Variants in GPATCH2 observed in about 807,000 individuals in gnomAD.
GPATCH2 encodes the protein G-patch domain containing 2, also known as G patch domain-containing protein 2.
Under a neutral mutation model 58.0 loss-of-function variants are expected in GPATCH2, and 51 were observed. The ratio of observed to expected loss-of-function variants is 0.88; its 90% CI spans 0.70 to 1.11. The LOEUF (loss-of-function observed/expected upper bound fraction) is 1.11, where lower values mean the gene tolerates loss of function less well. GPATCH2 is among the 50% of genes most tolerant of loss of function. GPATCH2 has a pLI of 0.00. For synonymous variants in GPATCH2, 222 were observed against 218.5 expected (o/e 1.02, Z -0.14); for missense variants, 625 against 652.2 (o/e 0.96, Z 0.45).
At chr1:217,607,134 T>C (rs575474185) in intron 5 of GPATCH2, among the ~76,000 whole-genome samples, 1 of 152,296 alleles carries the variant, frequency 6.6e-6, no homozygotes, top group South Asian at 2.1e-4. Flanking sequence ...GATTCCATAT[T>C]TTTAAGTCGG....
intron 6 of GPATCH2, among the ~76,000 whole-genome samples, chr1:217,511,091 C>T (rs925051894): frequency 6.6e-5 from 10 of 151,514 alleles, no homozygotes; most frequent in East Asian, 1.9e-4. Context: ...AGTGAGAATC[C>T]GTGTCAAAAG....
At chr1:217,562,120 T>C (rs138078419) in intron 5 of GPATCH2, among the ~76,000 whole-genome samples, 42 of 152,216 alleles carry the variant, frequency 2.8e-4, no homozygotes, top group African/African-American at 8.7e-4. Context: ...TTCCAAATGA[T>C]CTGAAAAGTA....
chr1:217,471,553 A>G (rs1184515227), intron 8 of GPATCH2, among the ~76,000 whole-genome samples: 1 of 152,180 alleles, frequency 6.6e-6, no homozygotes, highest in African/African-American at 2.4e-5. Flanking sequence ...CTGTAACTCT[A>G]TCTGTTACAT....
At position 217,428,084 on chromosome 1, in the gene GPATCH2, G is replaced by A. The variant is rs960097563; in HGVS notation, c.*3061C>T. ...CCAAATTAAATAGTGTATTCGGGGA[G>A]CAGAAAAGAAGGAAACAAATGACTC... On this transcript the variant is annotated 3_prime_UTR_variant, in exon 10 of 10. Transcript: ENST00000366935. The A allele has an allele frequency of 6.6e-6, 1 of 152,140 alleles. No homozygotes were observed. The highest frequency in any genetic ancestry group is 1.5e-5 in the Non-Finnish European group (1 of 68,002). 9.4% of individuals were successfully genotyped at this position (152,140 alleles called of 1,614,324 possible). A position where few individuals can be genotyped will look rare whatever the true frequency, so the allele number is the denominator to read the frequency against.
intron 5 of GPATCH2, among the ~76,000 whole-genome samples, chr1:217,525,852 T>G (rs1166456595): frequency 6.6e-6 from 1 of 152,176 alleles, no homozygotes; most frequent in Non-Finnish European, 1.5e-5. Flanking sequence ...TTTTAAAAAT[T>G]TATTTAAGAA....
At chr1:217,614,261 A>C (rs1211484125) in intron 2 of GPATCH2, 59 bp from the exon 3 acceptor site, 1 of 962,084 alleles carries the variant, frequency 1.0e-6, no homozygotes, top group Non-Finnish European at 1.7e-6. Context: ...TCAGTCGTAA[A>C]ATTTTAAAGA....
chr1:217,449,452 T>C (rs1659557011), intron 8 of GPATCH2, 115 bp from the exon 9 acceptor site: 8 of 670,272 alleles, frequency 1.2e-5, no homozygotes, highest in Non-Finnish European at 1.9e-5. Flanking sequence ...TGGAGCTGCG[T>C]AGTAAAATCA....
rs191652536 is a variant in GPATCH2, at chr1:217,526,231, C to T, written c.1099-11342G>A. On this transcript the variant is annotated intron_variant, in intron 5 of 9. Coordinates refer to ENST00000366935, the MANE Select transcript of GPATCH2 (RefSeq NM_018040.5). Reference sequence around the variant, plus strand: ...GATAGTCTCAACACTTTTAAACTGACAACTTAATATGGTTTATATTTAGCA... The same window carrying T: ...GATAGTCTCAACACTTTTAAACTGATAACTTAATATGGTTTATATTTAGCA... Among the ~76,000 whole-genome samples, 7 of 152,218 alleles carry T rather than the reference C, an allele frequency of 4.6e-5. No homozygotes were observed. The East Asian group carries it at 1.4e-3, about 29-fold the overall frequency.
intron 9 of GPATCH2, 73 bp downstream of exon 9, chr1:217,449,176 G>C: frequency 1.2e-6 from 1 of 818,062 alleles, no homozygotes; most frequent in South Asian, 1.4e-5. Flanking sequence ...TGATTAAGAA[G>C]TATCTACATT....
intron 9 of GPATCH2, among the ~76,000 whole-genome samples, chr1:217,448,922 G>A (rs530276051): frequency 1.7e-4 from 26 of 152,228 alleles, no homozygotes; most frequent in Admixed American, 3.3e-4. Flanking sequence ...GGGGTTATTT[G>A]TCATTTCATC....
At chr1:217,451,177 G>T (rs1659649270) in intron 8 of GPATCH2, among the ~76,000 whole-genome samples, 1 of 152,132 alleles carries the variant, frequency 6.6e-6, no homozygotes, top group Admixed American at 6.6e-5. Flanking sequence ...GTATTATTTA[G>T]TCCTTACAAC....
chr1:217,462,502 A>T (rs1660241236), intron 8 of GPATCH2, among the ~76,000 whole-genome samples: 1 of 151,750 alleles, frequency 6.6e-6, no homozygotes, highest in Non-Finnish European at 1.5e-5. Context: ...CATAGAAATA[A>T]GACTAAAAAA....
At chr1:217,553,846 A>G (rs1398047991) in intron 5 of GPATCH2, among the ~76,000 whole-genome samples, 2 of 152,192 alleles carry the variant, frequency 1.3e-5, no homozygotes, top group African/African-American at 4.8e-5. Context: ...AAGTAACCAA[A>G]AGCTTCCAAA....
chr1:217,431,411 G>A, intron 9 of GPATCH2, 46 bp from the exon 10 acceptor site: 7 of 1,053,088 alleles, frequency 6.6e-6, no homozygotes, highest in Non-Finnish European at 9.0e-6. Context: ...ATGAACACAG[G>A]TGAAGATATT....
intron 5 of GPATCH2, among the ~76,000 whole-genome samples, chr1:217,564,593 C>T (rs1666118555): frequency 6.6e-6 from 1 of 152,150 alleles, no homozygotes; most frequent in East Asian, 1.9e-4. Flanking sequence ...AACAGAATGT[C>T]CCATTTTTTT....
chr1:217,609,256 A>T (rs1482202359), intron 5 of GPATCH2: 1 of 983,826 alleles, frequency 1.0e-6, no homozygotes, highest in Middle Eastern at 5.2e-4. Flanking sequence ...TGACACTCAC[A>T]GTGACACATA....
chr1:217,608,795 G>C, intron 5 of GPATCH2: 3 of 984,060 alleles, frequency 3.0e-6, no homozygotes, highest in Non-Finnish European at 3.6e-6. Context: ...GCACAGAAAA[G>C]CTTACTTACA....
Position 217,429,377 on chromosome 1 carries a change from G to A in GPATCH2, c.*1768C>T, listed in dbSNP as rs1658435294. The A allele has an allele frequency of 6.6e-6, 1 of 152,008 alleles. No homozygotes were observed. The highest frequency in any genetic ancestry group is 2.4e-5 in the African/African-American group (1 of 41,374). The allele number at this position is 152,008 out of a possible 1,614,324, so 9.4% of individuals were successfully genotyped here. On this transcript the variant is annotated 3_prime_UTR_variant, in exon 10 of 10. Transcript: ENST00000366935. ...CTGTCCTCTAGGTACAATATCCCTG[G>A]GAAAGAAGATAATTCTCAAGAAATG... is the stretch of plus-strand genomic sequence containing the variant.
At position 217,611,449 on chromosome 1, in the gene GPATCH2, T is replaced by C. The variant is rs566072519; in HGVS notation, c.836-378A>G. Among the ~76,000 whole-genome samples, 5 of 152,298 alleles carry C rather than the reference T, an allele frequency of 3.3e-5. No individual in the cohort carries two copies. In the South Asian group the frequency reaches 1.0e-3, roughly 32 times the overall value. On this transcript the variant is annotated intron_variant, in intron 3 of 9. Transcript: ENST00000366935. ...CTGCCAGCAACAAAAACACAAAATA[T>C]TATGTTTTAGAACCAATTTTAAAAT... is the stretch of plus-strand genomic sequence containing the variant.
Sources: allele counts gnomAD v4.1 joint callset (sites outside exome capture counted in the v4.1 genomes callset), GRCh38; gene constraint gnomAD v4.1.1; transcripts MANE v1.5; gene names NCBI Gene and HGNC (gene_info 2026-07-23, HGNC 2026-07-21).